The following GNAI2 variants were observed in gnomAD, a reference collection of about 807,000 sequenced individuals.
GNAI2 encodes the protein G protein subunit alpha i2.
Under a neutral mutation model 36.8 loss-of-function variants are expected in GNAI2, and 4 were observed. That is an observed-to-expected ratio of 0.11 (90% confidence interval 0.05 to 0.25). GNAI2 has a LOEUF of 0.25. GNAI2 is among the 10% of genes least tolerant of loss of function. The pLI, the probability that GNAI2 is intolerant of heterozygous loss-of-function variation, is 1.00. For synonymous variants in GNAI2, 194 were observed against 194.1 expected (o/e 1.00, Z 0.01); for missense variants, 230 against 481.3 (o/e 0.48, Z 4.89).
rs1700730717 is a variant in GNAI2, at chr3:50,257,510, A to G, written c.888A>G (p.Lys296=). Residue 296 remains lysine, a synonymous_variant, in exon 8 of 9, where the codon AAA becomes AAG. Transcript: ENST00000313601. The stretch of plus-strand genomic sequence containing the variant: ...TTTTCTCTCCCCCAGGGGCCAACAA[A>G]TATGATGAGGCAGCCAGCTACATCC... The part of the protein sequence containing the change: ...ICFPEYTGAN[K]YDEAASYIQS... 6.4e-7 allele frequency: 1 copy of G among 1,560,812 alleles called. No individual in the cohort carries two copies. Among genetic ancestry groups the G allele is most frequent in the Admixed American group, 1.9e-5 (1 of 53,232 alleles).
At chr3:50,230,771 T>G (rs1700054417), upstream of GNAI2, 6 of 982,438 alleles carry the variant, frequency 6.1e-6, no homozygotes, top group Non-Finnish European at 7.3e-6. Context: ...TATGGTCTAG[T>G]CCAAGCGGTG....
chr3:50,234,211 C>T (rs189548054), upstream of GNAI2, among the ~76,000 whole-genome samples: 65 of 146,738 alleles, frequency 4.4e-4, no homozygotes, highest in East Asian at 0.012. Context: ...GTACTACAGG[C>T]GCCCGCCACC....
upstream of GNAI2, among the ~76,000 whole-genome samples, chr3:50,234,942 G>C (rs1553700150): frequency 1.3e-5 from 2 of 152,238 alleles, no homozygotes; most frequent in African/African-American, 4.8e-5. Context: ...TAGGGTTGCA[G>C]CCATTGCCCA....
chr3:50,256,712 T>C lies in GNAI2; in HGVS notation c.594-11T>C, dbSNP rs782522359. 3 of 1,613,614 alleles carry C rather than the reference T, an allele frequency of 1.9e-6. No homozygotes were observed. Among genetic ancestry groups the C allele is most frequent in the Non-Finnish European group, 2.5e-6 (3 of 1,179,664 alleles). Reference sequence around the variant, plus strand: ...CTCCCTTCCTGGAACTAAGGTGATCTATATCTGCAGGATGTTTGATGTGGG... The same window carrying C: ...CTCCCTTCCTGGAACTAAGGTGATCCATATCTGCAGGATGTTTGATGTGGG... On this transcript the variant is annotated splice_polypyrimidine_tract_variant and intron_variant, in intron 5 of 8. Coordinates refer to ENST00000313601, the MANE Select transcript of GNAI2 (RefSeq NM_002070.4).
intron 1 of GNAI2, chr3:50,251,494 G>A (rs782505543): frequency 9.0e-7 from 1 of 1,117,150 alleles, no homozygotes; most frequent in Non-Finnish European, 1.1e-6. Flanking sequence ...GTGTTACACT[G>A]TAGGTCTCCT....
rs1188085287 is a variant in GNAI2 at position 50,242,911 on chromosome 3, C to A, written c.118+6458C>A. Among the ~76,000 whole-genome samples the A allele has an allele frequency of 1.3e-5, 2 of 152,134 alleles. No homozygotes were observed. Among genetic ancestry groups the A allele is most frequent in the African/African-American group, 4.8e-5 (2 of 41,420 alleles). On this transcript the variant is annotated intron_variant, in intron 1 of 8. Transcript: ENST00000313601. This position sits in a 1 kb window ranked among gnomAD's most constrained non-coding sequence, Gnocchi z 4.8. Reference sequence around the variant, plus strand: ...TGATGGCAGCACCTACTGTGTGTGCCCCCGGCGGGAGGAGGAGGTAATGAA... The same window carrying A: ...TGATGGCAGCACCTACTGTGTGTGCACCCGGCGGGAGGAGGAGGTAATGAA...
chr3:50,237,007 C>T (rs367885902), intron 1 of GNAI2, among the ~76,000 whole-genome samples: 2 of 152,344 alleles, frequency 1.3e-5, no homozygotes, highest in African/African-American at 4.8e-5. Flanking sequence ...TGGGAAACTG[C>T]TCTTGAGCCC....
rs587690829 is a variant in GNAI2 at position 50,255,757 on chromosome 3, G to C, written c.465-435G>C. Among the ~76,000 whole-genome samples, 2 of 152,064 alleles carry C rather than the reference G, an allele frequency of 1.3e-5. No individual in the cohort carries two copies. Among genetic ancestry groups the C allele is most frequent in the Non-Finnish European group, 2.9e-5 (2 of 68,006 alleles). ...ATGCAGGCAGGGGTTAAAGAAACAA[G>C]GGCTGTGCCTAGGCCAGGCGCAGTG... On this transcript the variant is annotated intron_variant, in intron 4 of 8. Coordinates refer to ENST00000313601, the MANE Select transcript of GNAI2 (RefSeq NM_002070.4). The surrounding 1 kb of genome is among the most constrained non-coding windows in gnomAD (Gnocchi z 4.0).
In GNAI2 at chr3:50,252,206, G is replaced by A. The variant is rs1279355774; in HGVS notation, c.161+64G>A. 2.6e-6 allele frequency: 4 copies of A among 1,521,134 alleles called. No individual in the cohort carries two copies. In the East Asian group the frequency reaches 6.8e-5, roughly 26 times the overall value. The allele number at this position is 1,521,134 out of a possible 1,614,324, so 94.2% of individuals were successfully genotyped here. On this transcript the variant is annotated intron_variant, in intron 2 of 8. Transcript: ENST00000313601. The surrounding 1 kb of genome is among the most constrained non-coding windows in gnomAD (Gnocchi z 4.1). ...CTTCCCCTCTTCACCCTCTGGGCCT[G>A]CACTGCCCCCGACTACAGGCCCAGC...
Position 50,252,290 on chromosome 3 carries a change from G to A in GNAI2, c.162-107G>A. 3 of 1,418,600 alleles carry A rather than the reference G, an allele frequency of 2.1e-6. No homozygotes were observed. The South Asian group carries it at 3.5e-5, about 17-fold the overall frequency. The allele number at this position is 1,418,600 out of a possible 1,614,324, so 87.9% of individuals were successfully genotyped here. On this transcript the variant is annotated intron_variant, in intron 2 of 8. Coordinates refer to ENST00000313601, the MANE Select transcript of GNAI2 (RefSeq NM_002070.4). The surrounding 1 kb of genome is among the most constrained non-coding windows in gnomAD (Gnocchi z 4.1). ...CAGAAGGACCCTCAGGTCCCAGTGG[G>A]TCAGGGGCAGTTTTCCCTTCTCTGA...
chr3:50,253,366 A>C lies in GNAI2; in HGVS notation c.464+182A>C, dbSNP rs587747204. Among the ~76,000 whole-genome samples the C allele has an allele frequency of 2.0e-4, 31 of 152,244 alleles. No individual in the cohort carries two copies. The highest frequency in any genetic ancestry group is 7.2e-4 in the African/African-American group (30 of 41,552). On this transcript the variant is annotated intron_variant, in intron 4 of 8. Transcript: ENST00000313601. The surrounding 1 kb of genome is among the most constrained non-coding windows in gnomAD (Gnocchi z 4.2). The stretch of plus-strand genomic sequence containing the variant: ...GGTGGGTGGGTGTCACGTTACTGAA[A>C]GGCCAGGAGGAATGACAGGCAGGTG...
Position 50,236,449 on chromosome 3 carries a change from G to A in GNAI2, c.114G>A (p.Leu38=), listed in dbSNP as rs1553700396. The A allele has an allele frequency of 6.3e-7, 1 of 1,574,830 alleles. No individual in the cohort carries two copies. Among genetic ancestry groups the A allele is most frequent in the Non-Finnish European group, 8.6e-7 (1 of 1,164,036 alleles). The change falls in exon 1 of 9, where the codon CTG becomes CTA. Residue 38 remains leucine, a synonymous_variant. Coordinates refer to ENST00000313601, the MANE Select transcript of GNAI2 (RefSeq NM_002070.4). This position sits in a 1 kb window ranked among gnomAD's most constrained non-coding sequence, Gnocchi z 4.0. Reference sequence around the variant, plus strand: ...CGGCGCGGGAGGTGAAGTTGCTGCTGTTGGGTGAGGCCGCGTCCCGCACTG... The same window carrying A: ...CGGCGCGGGAGGTGAAGTTGCTGCTATTGGGTGAGGCCGCGTCCCGCACTG... ...EKAAREVKLL[L]LGAGESGKST... is the part of the protein sequence containing the mutation.
At chr3:50,237,438 G>C (rs1203831828) in intron 1 of GNAI2, among the ~76,000 whole-genome samples, 1 of 152,228 alleles carries the variant, frequency 6.6e-6, no homozygotes, top group Non-Finnish European at 1.5e-5. Context: ...AGTGGAAGTG[G>C]TGAGACAGCC....
intron 1 of GNAI2, among the ~76,000 whole-genome samples, chr3:50,248,506 C>T (rs1014420343): frequency 1.1e-4 from 17 of 152,316 alleles, no homozygotes; most frequent in African/African-American, 4.1e-4. Flanking sequence ...CCTGGGGCTC[C>T]ACCCACCTCT....
In GNAI2 at chr3:50,251,662, C is replaced by T. The variant is rs1553702475; in HGVS notation, c.119-438C>T. On this transcript the variant is annotated intron_variant, in intron 1 of 8. Coordinates refer to ENST00000313601, the MANE Select transcript of GNAI2 (RefSeq NM_002070.4). ...CTCAGTGTGGGGAGAAGAAGGGCTGCTACCCTGTTGGATGGAGTATGCAGG... is the reference window on the plus strand; with the variant it reads ...CTCAGTGTGGGGAGAAGAAGGGCTGTTACCCTGTTGGATGGAGTATGCAGG... 3.7e-6 allele frequency: 5 copies of T among 1,340,266 alleles called. No individual in the cohort carries two copies. The Admixed American group carries it at 9.9e-5, about 26-fold the overall frequency. The allele number at this position is 1,340,266 out of a possible 1,614,324, so 83.0% of individuals were successfully genotyped here.
chr3:50,252,375 C>T lies in GNAI2; in HGVS notation c.162-22C>T, dbSNP rs1329521105. 1.3e-5 allele frequency: 21 copies of T among 1,612,874 alleles called. No homozygotes were observed. In the Admixed American group the frequency reaches 3.3e-4, roughly 26 times the overall value. ...CTCCCAGTGCCCAGGGGACACTAAC[C>T]TTCCTGGTCCCTGGCTATCAGGATC... On this transcript the variant is annotated intron_variant, in intron 2 of 8. Coordinates refer to ENST00000313601, the MANE Select transcript of GNAI2 (RefSeq NM_002070.4). The surrounding 1 kb of genome is among the most constrained non-coding windows in gnomAD (Gnocchi z 4.1).
upstream of GNAI2, among the ~76,000 whole-genome samples, chr3:50,233,885 CA>C (rs1700111304): frequency 6.9e-6 from 1 of 144,252 alleles, no homozygotes; most frequent in Non-Finnish European, 1.5e-5. Context: ...AAATGTGTAA[CA>C]AGGTTCTTTT....
In GNAI2 at chr3:50,258,587, C is replaced by T. The variant is rs1438924701; in HGVS notation, c.*244C>T. 5.1e-6 allele frequency: 1 copy of T among 197,400 alleles called. No homozygotes were observed. The highest frequency in any genetic ancestry group is 2.4e-5 in the African/African-American group (1 of 42,340). The allele number at this position is 197,400 out of a possible 1,614,324, so 12.2% of individuals were successfully genotyped here. A position where few individuals can be genotyped will look rare whatever the true frequency, so the allele number is the denominator to read the frequency against. ...CTGGTAATGGCCATGGTACCCCCTT[C>T]TGGGCATCTGTTCTGGTTTTTAACC... On this transcript the variant is annotated 3_prime_UTR_variant, in exon 9 of 9. Coordinates refer to ENST00000313601, the MANE Select transcript of GNAI2 (RefSeq NM_002070.4).
In GNAI2 at chr3:50,257,538, A is replaced by C. The variant is rs1264193601; in HGVS notation, c.916A>C (p.Ser306Arg). 2.5e-6 allele frequency: 4 copies of C among 1,587,012 alleles called. No individual in the cohort carries two copies. The highest frequency in any genetic ancestry group is 2.6e-6 in the Non-Finnish European group (3 of 1,163,842). The change falls in exon 8 of 9, where the codon AGT becomes CGT. Residue 306 changes from serine (S) to arginine (R), a missense_variant. By Grantham distance (110) the Ser-to-Arg change is moderately radical. Transcript: ENST00000313601. ...KYDEAASYIQ[S>R]KFEDLNKRKD... The stretch of plus-strand genomic sequence containing the variant: ...TGATGAGGCAGCCAGCTACATCCAG[A>C]GTAAGTTTGAGGACCTGAATAAGCG...
Sources: gnomAD v4.1 joint callset for allele counts (sites outside exome capture counted in the v4.1 genomes callset) on GRCh38, gnomAD v4.1.1 for gene constraint, Gnocchi (gnomAD v3.1) non-coding constraint, MANE v1.5 for transcripts, NCBI Gene and HGNC (gene_info 2026-07-23, HGNC 2026-07-21) for gene names.